ASF1B: variants seen among roughly 807,000 people sequenced by gnomAD.
The protein encoded by ASF1B is histone chaperone ASF1B.
ASF1B carries 10 observed loss-of-function variants against 16.6 expected under a neutral mutation model. That is an observed-to-expected ratio of 0.60 (90% CI 0.37 to 1.02). ASF1B has a LOEUF of 1.02. Ranked by LOEUF, ASF1B falls within the 50% of genes least tolerant of loss-of-function variation. The probability of loss-of-function intolerance (pLI) is 0.01; values close to 1 mark genes in which losing one functional copy is unlikely to be tolerated. For missense variants in ASF1B, 240 were observed against 266.0 expected (o/e 0.90, Z 0.68); for synonymous variants, 101 against 106.2 (o/e 0.95, Z 0.30).
intron 1 of ASF1B, among the ~76,000 whole-genome samples, chr19:14,134,730 T>C (rs1037955555): frequency 7.2e-5 from 11 of 152,242 alleles, no homozygotes; most frequent in African/African-American, 9.6e-5. Flanking sequence ...CATGCCCACC[T>C]TTAAGTCACA....
chr19:14,133,217 T>C (rs749828987), intron 1 of ASF1B, among the ~76,000 whole-genome samples: 2 of 152,322 alleles, frequency 1.3e-5, no homozygotes, highest in Middle Eastern at 3.4e-3. Flanking sequence ...AATTCTGTGG[T>C]CATTCCTATC....
intron 1 of ASF1B, among the ~76,000 whole-genome samples, chr19:14,130,571 T>C (rs955647530): frequency 2.2e-4 from 34 of 151,690 alleles, no homozygotes; most frequent in African/African-American, 7.5e-4. Context: ...ATTTCATCTC[T>C]AAATATAATC....
At chr19:14,126,009 C>A (rs904652284) in intron 2 of ASF1B, 113 bp downstream of exon 2, 19 of 799,808 alleles carry the variant, frequency 2.4e-5, no homozygotes, top group Non-Finnish European at 3.7e-5. Flanking sequence ...AGGCGTGAGC[C>A]CGTGCCCAGC....
At chr19:14,123,662 G>A (rs1236006180) in intron 2 of ASF1B, among the ~76,000 whole-genome samples, 1 of 151,824 alleles carries the variant, frequency 6.6e-6, no homozygotes, top group East Asian at 1.9e-4. Context: ...TTACAGGCGT[G>A]AGCCACTGCA....
In ASF1B at chr19:14,121,528, C is replaced by A; in HGVS notation, c.402+4G>T. 1 of 1,612,510 alleles carries A rather than the reference C, an allele frequency of 6.2e-7. No individual in the cohort carries two copies. ...GGGAAGCAGGAAGTGGAAACAGGCC[C>A]CACCTGGGAGAAATCTGGCTTCATG... On this transcript the variant is annotated splice_donor_region_variant and intron_variant, in intron 3 of 3. Coordinates refer to ENST00000263382, the MANE Select transcript of ASF1B (RefSeq NM_018154.3).
At chr19:14,121,900 C>T (rs1228985147) in intron 2 of ASF1B, among the ~76,000 whole-genome samples, 192 bp from the exon 3 acceptor site, 4 of 151,796 alleles carry the variant, frequency 2.6e-5, no homozygotes, top group African/African-American at 7.3e-5. Context: ...GGACTACAGG[C>T]ACACACCACC....
chr19:14,134,813 C>T (rs1224084021), intron 1 of ASF1B, among the ~76,000 whole-genome samples: 1 of 152,030 alleles, frequency 6.6e-6, no homozygotes, highest in Non-Finnish European at 1.5e-5. Context: ...AAGCTCCAGC[C>T]GACTGTTTGA....
At chr19:14,131,133 C>T (rs1313328237) in intron 1 of ASF1B, among the ~76,000 whole-genome samples, 1 of 151,746 alleles carries the variant, frequency 6.6e-6, no homozygotes, top group Non-Finnish European at 1.5e-5. Flanking sequence ...CTGCCTTGGT[C>T]TCCCAAAATG....
At position 14,119,530 on chromosome 19, in the gene ASF1B, T is replaced by C. The variant is rs1778151041; in HGVS notation, c.*929A>G. ...ACAATCATTCTAAATGAAGTGCTTT[T>C]AATTTTCAGACCAAACATTTTTAAT... On this transcript the variant is annotated 3_prime_UTR_variant, in exon 4 of 4. Coordinates refer to ENST00000263382, the MANE Select transcript of ASF1B (RefSeq NM_018154.3). 1 of 152,676 alleles carries C rather than the reference T, an allele frequency of 6.5e-6. No homozygotes were observed. Among genetic ancestry groups the C allele is most frequent in the Non-Finnish European group, 1.5e-5 (1 of 68,050 alleles). The allele number at this position is 152,676 out of a possible 1,614,324, so 9.5% of individuals were successfully genotyped here.
chr19:14,121,222 G>A, intron 3 of ASF1B: 1 of 440,782 alleles, frequency 2.3e-6, no homozygotes, highest in Non-Finnish European at 4.0e-6. Flanking sequence ...CTGGGCTCAA[G>A]CGATCCTCCC....
rs182067973 is a variant in ASF1B, at chr19:14,132,891, C to A, written c.109+3457G>T. Among the ~76,000 whole-genome samples, 860 of 151,492 alleles carry A rather than the reference C, an allele frequency of 5.7e-3. 23 individuals are homozygous for A. Among genetic ancestry groups the A allele is most frequent in the Non-Finnish European group, 1.5e-3 (105 of 67,846 alleles). On this transcript the variant is annotated intron_variant, in intron 1 of 3. Transcript: ENST00000263382. ...TCACGCCTGTAATCCCAGGCCGAGG[C>A]GGGCGGATCACAAGGTCAGGAAATC...
At position 14,120,566 on chromosome 19, in the gene ASF1B, G is replaced by T. The variant is rs565977296; in HGVS notation, c.502C>A (p.Pro168Thr). The change falls in exon 4 of 4, where the codon CCC becomes ACC. Residue 168 changes from proline (P) to threonine (T), a missense_variant. By Grantham distance (38) the Pro-to-Thr change is conservative. Transcript: ENST00000263382. Reference protein sequence around the residue: ...DRLEAIETQDPSLGCGLPLNC... With the variant: ...DRLEAIETQDTSLGCGLPLNC... ...AGTGGGAGGCCGCAGCCCAGGGAGG[G>T]GTCCTGGGTCTCTATGGCCTCCAGC... 3.7e-5 allele frequency: 59 copies of T among 1,613,982 alleles called. No individual in the cohort carries two copies. In the East Asian group the frequency reaches 1.3e-3, roughly 36 times the overall value.
chr19:14,125,254 A>T (rs532405711), intron 2 of ASF1B, among the ~76,000 whole-genome samples: 10 of 152,338 alleles, frequency 6.6e-5, no homozygotes, highest in African/African-American at 1.2e-4. Flanking sequence ...GGTTTGAGCC[A>T]TCATAGCCGT....
rs1967216656 is a variant in ASF1B, at chr19:14,120,477, G to T, written c.591C>A (p.Asn197Lys). The T allele has an allele frequency of 1.2e-5, 19 of 1,612,934 alleles. No homozygotes were observed. Among genetic ancestry groups the T allele is most frequent in the Non-Finnish European group, 1.6e-5 (19 of 1,179,498 alleles). ...PGCIPGLLPE[N>K]SMDCI ...CCTGCAGTTAGATGCAGTCCATGGA[G>T]TTCTCAGGGAGGAGGCCAGGGATGC... The change falls in exon 4 of 4, where the codon AAC becomes AAA. Residue 197 changes from asparagine to lysine, a missense_variant. Asn to Lys is a moderately conservative substitution (Grantham distance 94, BLOSUM62 0). Coordinates refer to ENST00000263382, the MANE Select transcript of ASF1B (RefSeq NM_018154.3).
intron 1 of ASF1B, among the ~76,000 whole-genome samples, chr19:14,128,615 C>G (rs1967352680): frequency 6.6e-6 from 1 of 152,222 alleles, no homozygotes; most frequent in Admixed American, 6.5e-5. Flanking sequence ...GCTGGGACCA[C>G]AGGCTTGTGC....
intron 2 of ASF1B, 102 bp from the exon 3 acceptor site, chr19:14,121,810 T>G: frequency 1.8e-6 from 2 of 1,106,478 alleles, no homozygotes; most frequent in South Asian, 1.8e-5. Context: ...GCAAAAAGTA[T>G]GCTCTCTGCC....
intron 1 of ASF1B, among the ~76,000 whole-genome samples, chr19:14,133,841 T>C (rs1171101219): frequency 7.4e-6 from 1 of 135,028 alleles, no homozygotes; most frequent in Non-Finnish European, 1.6e-5. Context: ...TCTCGCTCTG[T>C]CGCCCAGGCT....
chr19:14,127,923 C>A (rs1334500197), intron 1 of ASF1B, among the ~76,000 whole-genome samples: 1 of 152,182 alleles, frequency 6.6e-6, no homozygotes, highest in African/African-American at 2.4e-5. Context: ...CAGGTGTGAG[C>A]CACCGTGCCC....
intron 1 of ASF1B, among the ~76,000 whole-genome samples, chr19:14,129,712 A>G (rs1182561218): frequency 9.0e-6 from 1 of 110,592 alleles, no homozygotes; most frequent in African/African-American, 3.4e-5. Context: ...AAAAAAAAAG[A>G]AGAAAGAAGG....
Sources: allele counts gnomAD v4.1 joint callset (sites outside exome capture counted in the v4.1 genomes callset), GRCh38; gene constraint gnomAD v4.1.1; transcripts MANE v1.5; gene names NCBI Gene and HGNC (gene_info 2026-07-23, HGNC 2026-07-21).